MROH2B: variants seen among roughly 807,000 people sequenced by gnomAD.
MROH2B encodes the protein maestro heat-like repeat-containing protein family member 2B.
MROH2B carries 177 observed loss-of-function variants against 208.6 expected under a neutral mutation model. The ratio of observed to expected loss-of-function variants is 0.85; its 90% CI spans 0.75 to 0.96. The LOEUF is 0.96. Among genes scored for constraint, MROH2B ranks in the 40% least tolerant of loss-of-function variants. MROH2B has a pLI of 0.00. For missense variants in MROH2B, 2,002 were observed against 1,878.7 expected, an observed-to-expected ratio of 1.07 and a Z score of -1.21; for synonymous variants, 728 against 659.0, an observed-to-expected ratio of 1.10 and a Z score of -1.60.
intron 24 of MROH2B, 51 bp downstream of exon 24, chr5:41,032,691 A>T (rs1166033967): frequency 7.0e-7 from 1 of 1,438,366 alleles, no homozygotes; most frequent in Non-Finnish European, 9.7e-7. Context: ...GATCAGGAGG[A>T]GGATAAGGGG....
At chr5:41,046,732 A>G (rs1373926180) in intron 17 of MROH2B, among the ~76,000 whole-genome samples, 1 of 152,106 alleles carries the variant, frequency 6.6e-6, no homozygotes, top group East Asian at 1.9e-4. Flanking sequence ...AAAAAAAAAT[A>G]TTTTTCTCCC....
At chr5:41,057,439 G>T in intron 7 of MROH2B, 79 bp from the exon 8 acceptor site, 1 of 1,107,634 alleles carries the variant, frequency 9.0e-7, no homozygotes, top group Non-Finnish European at 1.3e-6. Flanking sequence ...AAATAATTGT[G>T]TTTTGAGAGA....
Position 41,000,283 on chromosome 5 carries a change from G to T in MROH2B, c.4419C>A (p.Asp1473Glu). The change falls in exon 39 of 42, where the codon GAC (aspartate) becomes GAA (glutamate). Residue 1473 changes from aspartate (D) to glutamate (E), a missense_variant. Physicochemically the swap from Asp to Glu is conservative, Grantham distance 45. Coordinates refer to ENST00000399564, the MANE Select transcript of MROH2B (RefSeq NM_173489.5). ...LGLQELYGVL[D>E]RLLDQDLPRA... Reference sequence around the variant, plus strand: ...TTGGTAGATCCTGATCAAGGAGACGGTCTAATACCCCATAGAGCTCCTGGA... The same window carrying T: ...TTGGTAGATCCTGATCAAGGAGACGTTCTAATACCCCATAGAGCTCCTGGA... The T allele has an allele frequency of 1.2e-6, 2 of 1,613,894 alleles. No individual in the cohort carries two copies. The highest frequency in any genetic ancestry group is 1.3e-5 in the African/African-American group (1 of 75,022).
intron 17 of MROH2B, among the ~76,000 whole-genome samples, chr5:41,046,298 G>A (rs535422795): frequency 1.3e-5 from 2 of 151,758 alleles, no homozygotes; most frequent in East Asian, 3.9e-4. Flanking sequence ...TAAAGAACAG[G>A]CACATTTTGA....
chr5:41,000,779 G>T lies in MROH2B; in HGVS notation c.4249C>A (p.Leu1417Ile). ...AIFLFEDLAP[L>I]TGRRWKIFFA... ...AAAATCTTCCACCTTCTTCCTGTTA[G>T]GGGTGCCAGGTCCTCAAATAAGAAG... is the stretch of plus-strand genomic sequence containing the variant. The change falls in exon 38 of 42, where the codon CTA becomes ATA. Residue 1417 changes from leucine (L) to isoleucine (I), a missense_variant. Transcript: ENST00000399564. 6.2e-7 allele frequency: 1 copy of T among 1,611,478 alleles called. No homozygotes were observed.
At chr5:41,045,498 A>C (rs539588177) in intron 18 of MROH2B, among the ~76,000 whole-genome samples, 3 of 152,284 alleles carry the variant, frequency 2.0e-5, no homozygotes, top group South Asian at 4.2e-4. Flanking sequence ...AGTTAGGCAC[A>C]TATCTATCTT....
chr5:41,026,210 A>C (rs1408279351), intron 24 of MROH2B, among the ~76,000 whole-genome samples: 1 of 152,198 alleles, frequency 6.6e-6, no homozygotes, highest in Non-Finnish European at 1.5e-5. Context: ...AGAAAGAAAT[A>C]AAGGGTATTC....
chr5:41,058,215 GCAAA>G lies in MROH2B; in HGVS notation c.616-16_616-13del. The G allele has an allele frequency of 1.3e-6, 2 of 1,504,356 alleles. No individual in the cohort carries two copies. The highest frequency in any genetic ancestry group is 1.3e-5 in the South Asian group (1 of 74,646). The allele number at this position is 1,504,356 out of a possible 1,614,324, so 93.2% of individuals were successfully genotyped here. On this transcript the variant is annotated splice_polypyrimidine_tract_variant and intron_variant, in intron 6 of 41. Coordinates refer to ENST00000399564, the MANE Select transcript of MROH2B (RefSeq NM_173489.5). Reference sequence around the variant, plus strand: ...ACGATGCTCAAAGTCTGTACAGGCAGCAAACAAATACCGTTTCTGAAACTTCCTT... The same window carrying G: ...ACGATGCTCAAAGTCTGTACAGGCAGCAAATACCGTTTCTGAAACTTCCTT...
chr5:40,999,683 G>A lies in MROH2B; in HGVS notation c.4579C>T (p.Leu1527Phe), dbSNP rs745736053. The A allele has an allele frequency of 3.7e-6, 6 of 1,611,270 alleles. No homozygotes were observed. In the South Asian group the frequency reaches 6.6e-5, roughly 18 times the overall value. The part of the protein sequence containing the change: ...WEVIRSAAVK[L>F]TDAVVLNLTS... The stretch of plus-strand genomic sequence containing the variant: ...AATGGGGATGTGTACTCACCTGTGA[G>A]TTTGACAGCTGCACTCCTGATCACC... Residue 1527 changes from leucine (L) to phenylalanine (F), a missense_variant, in exon 40 of 42, where the codon CTC becomes TTC. Leu to Phe is a conservative substitution (Grantham distance 22). Transcript: ENST00000399564.
intron 18 of MROH2B, among the ~76,000 whole-genome samples, chr5:41,042,447 C>A (rs1163205927): frequency 1.3e-5 from 2 of 152,074 alleles, no homozygotes; most frequent in East Asian, 3.9e-4. Context: ...CTTCACCCCC[C>A]ATTGTAATTT....
intron 1 of MROH2B, among the ~76,000 whole-genome samples, chr5:41,070,312 T>A (rs1376203508): frequency 6.6e-6 from 1 of 152,216 alleles, no homozygotes; most frequent in African/African-American, 2.4e-5. Flanking sequence ...TAGGAATATA[T>A]GTTTTTGAAT....
Position 41,004,512 on chromosome 5 carries a change from T to C in MROH2B, c.4028A>G (p.Gln1343Arg). Residue 1343 changes from glutamine (Q) to arginine (R), a missense_variant, in exon 37 of 42, where the codon CAG becomes CGG. By Grantham distance (43) the Gln-to-Arg change is conservative. Coordinates refer to ENST00000399564, the MANE Select transcript of MROH2B (RefSeq NM_173489.5). ...TCTGATGATAGATTCTAGCATTAAC[T>C]GCTTATGTTTCTTCACCTATTTTGA... ...GAPHKVKKHK[Q>R]LMLESIIRGL... 1 of 1,606,094 alleles carries C rather than the reference T, an allele frequency of 6.2e-7. No homozygotes were observed. The highest frequency in any genetic ancestry group is 8.5e-7 in the Non-Finnish European group (1 of 1,177,936).
At chr5:41,058,025 G>A (rs776294521) in intron 7 of MROH2B, 38 bp downstream of exon 7, 1 of 1,445,318 alleles carries the variant, frequency 6.9e-7, no homozygotes, top group Non-Finnish European at 9.2e-7. Flanking sequence ...GTTGCATGCG[G>A]GTTCTCTGAT....
chr5:41,068,554 G>C (rs1743881102), intron 2 of MROH2B, among the ~76,000 whole-genome samples: 1 of 152,158 alleles, frequency 6.6e-6, no homozygotes, highest in Non-Finnish European at 1.5e-5. Context: ...GAAACCAACA[G>C]TCTGAATTTT....
intron 24 of MROH2B, among the ~76,000 whole-genome samples, chr5:41,020,646 A>T (rs1579918237): frequency 6.6e-6 from 1 of 151,822 alleles, no homozygotes; most frequent in African/African-American, 2.4e-5. Context: ...AAGTTCAGAA[A>T]TTTTTTTTTG....
intron 37 of MROH2B, among the ~76,000 whole-genome samples, chr5:41,001,647 G>A (rs1003304961): frequency 6.6e-6 from 1 of 151,972 alleles, no homozygotes; most frequent in Non-Finnish European, 1.5e-5. Flanking sequence ...AATCTGAGAG[G>A]AGGAGGCTGC....
At chr5:41,023,358 G>A (rs982199379) in intron 24 of MROH2B, among the ~76,000 whole-genome samples, 2 of 152,162 alleles carry the variant, frequency 1.3e-5, no homozygotes, top group African/African-American at 4.8e-5. Flanking sequence ...TGACCTGATG[G>A]AGCTGAAAAC....
chr5:41,000,272 T>C lies in MROH2B; in HGVS notation c.4430A>G (p.Asp1477Gly), dbSNP rs1362539049. ...ELYGVLDRLL[D>G]QDLPRARDFY... ...ATCCCTGGCCCTTGGTAGATCCTGA[T>C]CAAGGAGACGGTCTAATACCCCATA... is the stretch of plus-strand genomic sequence containing the variant. Residue 1477 changes from aspartate (D) to glycine (G), a missense_variant, in exon 39 of 42, where the codon GAT becomes GGT. By Grantham distance (94) the Asp-to-Gly change is moderately conservative. Transcript: ENST00000399564. The C allele has an allele frequency of 6.2e-7, 1 of 1,613,852 alleles. No individual in the cohort carries two copies. The highest frequency in any genetic ancestry group is 2.2e-5 in the East Asian group (1 of 44,868).
chr5:41,029,969 C>T (rs908173107), intron 24 of MROH2B, among the ~76,000 whole-genome samples: 3 of 151,640 alleles, frequency 2.0e-5, no homozygotes, highest in Non-Finnish European at 1.5e-5. Context: ...AAAAACAAAA[C>T]GAAACAAAAA....
Sources: allele counts gnomAD v4.1 joint callset (sites outside exome capture counted in the v4.1 genomes callset), GRCh38; gene constraint gnomAD v4.1.1; transcripts MANE v1.5; gene names NCBI Gene and HGNC (gene_info 2026-07-23, HGNC 2026-07-21).